HEMK2: variants seen among roughly 807,000 people sequenced by gnomAD.
HEMK2 encodes methyltransferase HEMK2.
At chr21:28,796,404 C>T in the HEMK2 span, among the ~76,000 whole-genome samples, 1 of 152,002 alleles carries the variant, frequency 6.6e-6, no homozygotes, top group Non-Finnish European at 1.5e-5. Flanking sequence ...CCTCCCAAAG[C>T]GCTGGGATTA....
the HEMK2 span, among the ~76,000 whole-genome samples, chr21:28,776,477 T>C: frequency 5.1e-4 from 77 of 152,288 alleles, no homozygotes; most frequent in African/African-American, 1.7e-3. Context: ...AGAAAGGCTG[T>C]GGACTGTGGT....
chr21:28,783,317 T>C, the HEMK2 span, among the ~76,000 whole-genome samples: 2 of 152,102 alleles, frequency 1.3e-5, no homozygotes, highest in Non-Finnish European at 2.9e-5. Context: ...CCCAAGTAGC[T>C]GGGATTACAG....
chr21:28,785,604 A>T, the HEMK2 span, among the ~76,000 whole-genome samples: 1 of 152,244 alleles, frequency 6.6e-6, no homozygotes, highest in Non-Finnish European at 1.5e-5. Flanking sequence ...GAGGATTGAA[A>T]AGGTGCGCAT....
the HEMK2 span, among the ~76,000 whole-genome samples, chr21:28,792,954 C>CA: frequency 1.3e-5 from 2 of 152,164 alleles, no homozygotes; most frequent in Non-Finnish European, 2.9e-5. Flanking sequence ...ACCACTGCAC[C>CA]AAAGAACAGT....
At chr21:28,675,427 T>C in the HEMK2 span, among the ~76,000 whole-genome samples, 568 of 152,328 alleles carry the variant, frequency 3.7e-3, 2 homozygotes, top group African/African-American at 0.013. Context: ...CTAACTGTTA[T>C]TAAGTGTTTT....
At chr21:28,634,655 C>T in the HEMK2 span, among the ~76,000 whole-genome samples, 2 of 152,064 alleles carry the variant, frequency 1.3e-5, no homozygotes, top group African/African-American at 4.8e-5. Context: ...GGATTTGAGT[C>T]CTTGGGGTAG....
the HEMK2 span, among the ~76,000 whole-genome samples, chr21:28,814,254 G>A: frequency 6.6e-6 from 1 of 152,020 alleles, no homozygotes; most frequent in African/African-American, 2.4e-5. Context: ...ACACTTGAAT[G>A]TAAGACCTAA....
the HEMK2 span, among the ~76,000 whole-genome samples, chr21:28,746,855 C>A: frequency 6.6e-6 from 1 of 152,078 alleles, no homozygotes; most frequent in Non-Finnish European, 1.5e-5. Flanking sequence ...CCAAACACAG[C>A]CACAGCATGG....
At chr21:28,877,296 GGA>G in the HEMK2 span, among the ~76,000 whole-genome samples, 1 of 94,558 alleles carries the variant, frequency 1.1e-5, no homozygotes, top group Non-Finnish European at 2.3e-5. Context: ...AAGGAAGGAA[GGA>G]AGAGAGAGAG....
the HEMK2 span, among the ~76,000 whole-genome samples, chr21:28,847,972 T>C: frequency 6.6e-6 from 1 of 152,202 alleles, no homozygotes; most frequent in Non-Finnish European, 1.5e-5. Flanking sequence ...CCTGTTCCAT[T>C]GGTCTGTCTG....
the HEMK2 span, among the ~76,000 whole-genome samples, chr21:28,828,875 T>G: frequency 6.6e-6 from 1 of 152,218 alleles, no homozygotes; most frequent in African/African-American, 2.4e-5. Context: ...TAGTAAAATA[T>G]AAATGCAATA....
At chr21:28,660,088 T>A in the HEMK2 span, among the ~76,000 whole-genome samples, 1 of 152,106 alleles carries the variant, frequency 6.6e-6, no homozygotes, top group Non-Finnish European at 1.5e-5. Context: ...ATGGTATTAT[T>A]TTTAACTTTT....
At chr21:28,731,824 G>A in the HEMK2 span, among the ~76,000 whole-genome samples, 2 of 84,918 alleles carry the variant, frequency 2.4e-5, no homozygotes, top group Non-Finnish European at 4.3e-5. Context: ...GAAAAGAGAA[G>A]TGAGCAGTCC....
At chr21:28,783,761 A>G in the HEMK2 span, among the ~76,000 whole-genome samples, 1 of 152,104 alleles carries the variant, frequency 6.6e-6, no homozygotes, top group African/African-American at 2.4e-5. Flanking sequence ...TAGAGGGAGC[A>G]GCGCGGGCAG....
the HEMK2 span, among the ~76,000 whole-genome samples, chr21:28,715,698 G>A: frequency 3.3e-5 from 5 of 152,106 alleles, no homozygotes; most frequent in African/African-American, 1.2e-4. Flanking sequence ...TGAAAACTTA[G>A]TCATAAACTC....
the HEMK2 span, among the ~76,000 whole-genome samples, chr21:28,715,434 T>C: frequency 6.6e-6 from 1 of 152,198 alleles, no homozygotes; most frequent in Non-Finnish European, 1.5e-5. Flanking sequence ...TGGCCACTTG[T>C]ATACCTCATT....
the HEMK2 span, among the ~76,000 whole-genome samples, chr21:28,867,879 G>T: frequency 1.1e-4 from 16 of 151,976 alleles, no homozygotes; most frequent in Admixed American, 7.9e-4. Context: ...CCATTCCATT[G>T]TCATAAAAAT....
chr21:28,729,172 G>A, the HEMK2 span, among the ~76,000 whole-genome samples: 5 of 152,152 alleles, frequency 3.3e-5, no homozygotes. Flanking sequence ...AAAATAACAT[G>A]GGCAGGTGCG....
At chr21:28,675,434 T>G in the HEMK2 span, among the ~76,000 whole-genome samples, 1 of 152,224 alleles carries the variant, frequency 6.6e-6, no homozygotes, top group East Asian at 1.9e-4. Context: ...TTATTAAGTG[T>G]TTTGAATATC....
Sources: gnomAD v4.1 joint callset for allele counts (sites outside exome capture counted in the v4.1 genomes callset) on GRCh38, gnomAD v4.1.1 for gene constraint, MANE v1.5 for transcripts, NCBI Gene and HGNC (gene_info 2026-07-23, HGNC 2026-07-21) for gene names.